KIZ: variants seen among roughly 807,000 people sequenced by gnomAD.
The protein encoded by KIZ is kizuna centrosomal protein.
In KIZ, 68 loss-of-function variants were observed where a neutral mutation model predicts 79.6. The ratio of observed to expected loss-of-function variants is 0.85; its 90% CI spans 0.70 to 1.05. KIZ has a LOEUF of 1.05. Among genes scored for constraint, KIZ ranks in the 50% least tolerant of loss-of-function variants. KIZ has a pLI of 0.00. For missense variants in KIZ, 797 were observed against 800.4 expected, an observed-to-expected ratio of 1.00 and a Z score of 0.05; for synonymous variants, 280 against 281.8, an observed-to-expected ratio of 0.99 and a Z score of 0.06.
At chr20:21,224,540 A>G (rs2036601138) in intron 9 of KIZ, among the ~76,000 whole-genome samples, 1 of 152,252 alleles carries the variant, frequency 6.6e-6, no homozygotes. Context: ...ATATAGAAAT[A>G]GCAGTTATCC....
At chr20:21,228,537 C>G (rs2036727488) in intron 9 of KIZ, among the ~76,000 whole-genome samples, 1 of 152,188 alleles carries the variant, frequency 6.6e-6, no homozygotes, top group African/African-American at 2.4e-5. Context: ...GGACTCTGAG[C>G]TCATCCAGCT....
At chr20:21,226,657 C>T (rs1039668699) in intron 9 of KIZ, among the ~76,000 whole-genome samples, 3 of 152,224 alleles carry the variant, frequency 2.0e-5, no homozygotes, top group Non-Finnish European at 4.4e-5. Context: ...AGTGTCATTC[C>T]TCTGGGTGAA....
At chr20:21,172,545 G>A (rs982769900) in intron 6 of KIZ, among the ~76,000 whole-genome samples, 4 of 152,094 alleles carry the variant, frequency 2.6e-5, no homozygotes, top group Non-Finnish European at 4.4e-5. Flanking sequence ...ACTGCAGTGG[G>A]CTGAGATTGT....
At chr20:21,140,845 A>T (rs1396560978) in intron 3 of KIZ, among the ~76,000 whole-genome samples, 1 of 151,792 alleles carries the variant, frequency 6.6e-6, no homozygotes, top group Admixed American at 6.6e-5. Context: ...TTTAAAAATT[A>T]AATTTAAAAT....
At chr20:21,211,068 T>C (rs1197571990) in intron 7 of KIZ, among the ~76,000 whole-genome samples, 4 of 152,236 alleles carry the variant, frequency 2.6e-5, no homozygotes, top group African/African-American at 9.6e-5. Context: ...ACAATGTCTT[T>C]TCTATTAATG....
intron 8 of KIZ, 70 bp downstream of exon 8, chr20:21,214,770 C>T (rs2036219416): frequency 9.1e-6 from 9 of 989,338 alleles, no homozygotes; most frequent in South Asian, 1.4e-5. Context: ...TCTCAAGGTA[C>T]ACCTATAGAA....
intron 3 of KIZ, among the ~76,000 whole-genome samples, chr20:21,138,595 CATG>C (rs1182580633): frequency 1.3e-5 from 2 of 152,116 alleles, no homozygotes; most frequent in Admixed American, 1.3e-4. Context: ...TCAGGAGGCC[CATG>C]ATGTCAGGTG....
chr20:21,190,778 C>T lies in KIZ; in HGVS notation c.1353-14713C>T, dbSNP rs143412443. 4.3e-4 allele frequency among the ~76,000 whole-genome samples: 66 copies of T among 152,226 alleles called. 2 individuals are homozygous for T. The highest frequency in any genetic ancestry group is 1.5e-3 in the African/African-American group (62 of 41,526). On this transcript the variant is annotated intron_variant, in intron 6 of 12. Coordinates refer to ENST00000619189, the MANE Select transcript of KIZ (RefSeq NM_018474.6). ...ATTATATGCAAAACAAAAAACAGAACGTGATAGTTTTAAAAGTAATCTTTT... is the reference window on the plus strand; with the variant it reads ...ATTATATGCAAAACAAAAAACAGAATGTGATAGTTTTAAAAGTAATCTTTT...
intron 1 of KIZ, 46 bp from the exon 2 acceptor site, chr20:21,132,051 C>A: frequency 1.2e-6 from 1 of 817,778 alleles, no homozygotes; most frequent in South Asian, 1.6e-5. Flanking sequence ...AATCCAACTC[C>A]CTGTTACTTA....
intron 4 of KIZ, among the ~76,000 whole-genome samples, chr20:21,157,177 C>T (rs866710537): frequency 1.6e-4 from 24 of 152,100 alleles, no homozygotes; most frequent in South Asian, 4.1e-4. Flanking sequence ...AGAAATAGTG[C>T]GGGAAGACAA....
chr20:21,140,889 A>G (rs571752846), intron 3 of KIZ, among the ~76,000 whole-genome samples: 1 of 152,168 alleles, frequency 6.6e-6, no homozygotes, highest in Admixed American at 6.5e-5. Context: ...CAGTAGTCTC[A>G]GCTGCTCAGG....
chr20:21,169,266 A>G (rs1485443847), intron 6 of KIZ, among the ~76,000 whole-genome samples: 1 of 152,202 alleles, frequency 6.6e-6, no homozygotes, highest in Non-Finnish European at 1.5e-5. Flanking sequence ...AAAGTGGGCA[A>G]AGGATATGAA....
chr20:21,177,564 G>A (rs1459186610), intron 6 of KIZ, among the ~76,000 whole-genome samples: 1 of 152,054 alleles, frequency 6.6e-6, no homozygotes, highest in African/African-American at 2.4e-5. Flanking sequence ...CCTTTGCTAT[G>A]CAGAAACTTT....
intron 4 of KIZ, chr20:21,150,774 G>A (rs2033079447): frequency 6.6e-6 from 1 of 152,118 alleles, no homozygotes; most frequent in Non-Finnish European, 1.5e-5. Flanking sequence ...ACATGGCAGG[G>A]CCCAGCCCCT....
chr20:21,194,370 A>G (rs1441618332), intron 6 of KIZ: 1 of 152,246 alleles, frequency 6.6e-6, no homozygotes, highest in Non-Finnish European at 1.5e-5. Context: ...AGGAACGCAC[A>G]TAGAAAAAGG....
chr20:21,228,804 TAAA>T (rs2036736697), intron 9 of KIZ, among the ~76,000 whole-genome samples: 1 of 152,168 alleles, frequency 6.6e-6, no homozygotes, highest in Non-Finnish European at 1.5e-5. Flanking sequence ...CTGCCTCAAA[TAAA>T]CTCATACAGC....
chr20:21,179,317 G>A (rs2034557879), intron 6 of KIZ, among the ~76,000 whole-genome samples: 1 of 149,866 alleles, frequency 6.7e-6, no homozygotes, highest in African/African-American at 2.4e-5. Flanking sequence ...GTATGTGTAT[G>A]TTTTTAGGAA....
intron 4 of KIZ, among the ~76,000 whole-genome samples, chr20:21,152,935 C>A (rs1414760498): frequency 1.3e-5 from 2 of 152,166 alleles, no homozygotes; most frequent in Non-Finnish European, 2.9e-5. Context: ...GCTTCAGATT[C>A]ACTATTAGGG....
At chr20:21,207,922 A>G (rs944757403) in intron 7 of KIZ, among the ~76,000 whole-genome samples, 5 of 152,104 alleles carry the variant, frequency 3.3e-5, no homozygotes, top group African/African-American at 1.2e-4. Context: ...CGTGTTGGCC[A>G]GGCTGATCTC....
Sources: gnomAD v4.1 joint callset for allele counts (sites outside exome capture counted in the v4.1 genomes callset) on GRCh38, gnomAD v4.1.1 for gene constraint, MANE v1.5 for transcripts, NCBI Gene and HGNC (gene_info 2026-07-23, HGNC 2026-07-21) for gene names.